CABLES1: variants seen among roughly 807,000 people sequenced by gnomAD.
CABLES1 encodes CDK5 and ABL1 enzyme substrate 1.
In CABLES1, 36 loss-of-function variants were observed where a neutral mutation model predicts 57.8. That is an observed-to-expected ratio of 0.62 (90% CI 0.48 to 0.82). The LOEUF (loss-of-function observed/expected upper bound fraction) is 0.82, where lower values mean the gene tolerates loss of function less well. Ranked by LOEUF, CABLES1 falls within the 40% of genes least tolerant of loss-of-function variation. CABLES1 has a pLI of 0.00. For missense variants in CABLES1, 767 were observed against 836.6 expected (o/e 0.92, Z 1.03); for synonymous variants, 374 against 363.0 (o/e 1.03, Z -0.35).
Position 23,258,475 on chromosome 18 carries a change from G to C in CABLES1, c.*1108G>C, listed in dbSNP as rs1265399525. 2 of 152,146 alleles carry C rather than the reference G, an allele frequency of 1.3e-5. No individual in the cohort carries two copies. Among genetic ancestry groups the C allele is most frequent in the African/African-American group, 4.8e-5 (2 of 41,406 alleles). 9.4% of individuals were successfully genotyped at this position (152,146 alleles called of 1,614,324 possible). On this transcript the variant is annotated 3_prime_UTR_variant, in exon 10 of 10. Coordinates refer to ENST00000256925, the MANE Select transcript of CABLES1 (RefSeq NM_001100619.3). ...TTTCTTAACATTCCCACGTGCCCAGGGCTGTTCATGCAAGATTTTAATGGT... is the reference window on the plus strand; with the variant it reads ...TTTCTTAACATTCCCACGTGCCCAGCGCTGTTCATGCAAGATTTTAATGGT...
At chr18:23,188,681 A>G (rs186130043) in intron 1 of CABLES1, among the ~76,000 whole-genome samples, 157 bp from the exon 2 acceptor site, 43 of 152,302 alleles carry the variant, frequency 2.8e-4, no homozygotes, top group Non-Finnish European at 2.1e-4. Flanking sequence ...CCTGGCGTGC[A>G]GGGTGGGAAC....
chr18:23,225,901 G>A (rs1043864589), intron 4 of CABLES1, among the ~76,000 whole-genome samples: 19 of 152,164 alleles, frequency 1.2e-4, no homozygotes, highest in East Asian at 9.6e-4. Context: ...TCTTCCCCTC[G>A]CTTTCCAGCC....
chr18:23,219,718 A>G (rs1393114533), intron 4 of CABLES1, among the ~76,000 whole-genome samples: 1 of 152,216 alleles, frequency 6.6e-6, no homozygotes, highest in Non-Finnish European at 1.5e-5. Context: ...ATGTTTAACC[A>G]GATACTACAA....
intron 3 of CABLES1, among the ~76,000 whole-genome samples, chr18:23,210,036 G>C (rs563246589): frequency 2.0e-5 from 3 of 152,206 alleles, no homozygotes; most frequent in Non-Finnish European, 4.4e-5. Flanking sequence ...GAAAAAGAAA[G>C]CTGGACGGTG....
intron 6 of CABLES1, 60 bp downstream of exon 6, chr18:23,236,111 ATG>A: frequency 6.4e-7 from 1 of 1,565,310 alleles, no homozygotes; most frequent in Non-Finnish European, 8.7e-7. Flanking sequence ...CTCCATTTAC[ATG>A]GGGATTGAGT....
intron 9 of CABLES1, 82 bp downstream of exon 9, chr18:23,254,018 C>A: frequency 8.4e-7 from 1 of 1,195,332 alleles, no homozygotes; most frequent in African/African-American, 1.5e-5. Flanking sequence ...GGTCAGTGAC[C>A]CTGCCTGGAA....
intron 7 of CABLES1, among the ~76,000 whole-genome samples, chr18:23,241,938 CTG>C (rs1310787275): frequency 6.6e-6 from 1 of 152,142 alleles, no homozygotes; most frequent in Non-Finnish European, 1.5e-5. Flanking sequence ...GTCACTCCCA[CTG>C]TTACCTACTG....
intron 1 of CABLES1, among the ~76,000 whole-genome samples, chr18:23,158,119 T>TA (rs34187186): frequency 1.7e-3 from 215 of 128,126 alleles, no homozygotes; most frequent in South Asian, 3.9e-3. Flanking sequence ...CCATCTCTAT[T>TA]AAAAAAAAAA....
In CABLES1 at chr18:23,251,512, A is replaced by G. The variant is rs952177348; in HGVS notation, c.1447-1448A>G. Among the ~76,000 whole-genome samples the G allele has an allele frequency of 4.6e-5, 7 of 152,258 alleles. No individual in the cohort carries two copies. In the East Asian group the frequency reaches 1.2e-3, roughly 25 times the overall value. On this transcript the variant is annotated intron_variant, in intron 7 of 9. Coordinates refer to ENST00000256925, the MANE Select transcript of CABLES1 (RefSeq NM_001100619.3). The stretch of plus-strand genomic sequence containing the variant: ...CAAAAAAGACCCAGCCTTGGCAAGT[A>G]TACTCTCGAGGAGGGATGAGATGAA...
chr18:23,195,809 C>T (rs2047278365), intron 3 of CABLES1, among the ~76,000 whole-genome samples: 1 of 152,116 alleles, frequency 6.6e-6, no homozygotes, highest in South Asian at 2.1e-4. Flanking sequence ...CTTTATTTAA[C>T]CATTGCTATT....
intron 1 of CABLES1, among the ~76,000 whole-genome samples, chr18:23,161,265 C>T (rs1220703809): frequency 6.6e-6 from 1 of 151,986 alleles, no homozygotes; most frequent in Non-Finnish European, 1.5e-5. Flanking sequence ...TATTAAAAAA[C>T]AACTCTCTTT....
chr18:23,223,336 T>G (rs2047503291), intron 4 of CABLES1, among the ~76,000 whole-genome samples: 1 of 151,956 alleles, frequency 6.6e-6, no homozygotes, highest in South Asian at 2.1e-4. Flanking sequence ...TCCCAGCACT[T>G]TGGGAGGCCG....
chr18:23,146,091 G>C (rs1299118839), intron 1 of CABLES1, among the ~76,000 whole-genome samples: 1 of 152,210 alleles, frequency 6.6e-6, no homozygotes, highest in Non-Finnish European at 1.5e-5. Context: ...TATGTGCCTA[G>C]CACGTTGATT....
chr18:23,175,040 G>T (rs1425113907), intron 1 of CABLES1, among the ~76,000 whole-genome samples: 1 of 151,678 alleles, frequency 6.6e-6, no homozygotes, highest in East Asian at 1.9e-4. Flanking sequence ...GCCTTGACAT[G>T]TTTAAAAATG....
At chr18:23,150,207 G>GTTTTTTGTT (rs1555658964) in intron 1 of CABLES1, among the ~76,000 whole-genome samples, 4 of 106,674 alleles carry the variant, frequency 3.7e-5, no homozygotes, top group African/African-American at 1.6e-4. Flanking sequence ...GTTGGTGTTT[G>GTTTTTTGTT]TTTTTTTTTT....
chr18:23,248,747 C>T (rs550835100), intron 7 of CABLES1, among the ~76,000 whole-genome samples: 2 of 152,234 alleles, frequency 1.3e-5, no homozygotes, highest in East Asian at 3.9e-4. Flanking sequence ...ATCGCTTGAA[C>T]CCAGGAGGCA....
intron 1 of CABLES1, among the ~76,000 whole-genome samples, chr18:23,170,222 C>T (rs2047072632): frequency 6.6e-6 from 1 of 152,182 alleles, no homozygotes; most frequent in Non-Finnish European, 1.5e-5. Flanking sequence ...TGTGAGAATG[C>T]CAAGATGTTT....
intron 7 of CABLES1, among the ~76,000 whole-genome samples, chr18:23,249,001 G>GA (rs2047972693): frequency 6.6e-6 from 1 of 152,364 alleles, no homozygotes; most frequent in East Asian, 1.9e-4. Flanking sequence ...TTGGACTTGG[G>GA]AAACTGGCGC....
intron 7 of CABLES1, among the ~76,000 whole-genome samples, chr18:23,237,797 C>G (rs2047639597): frequency 6.6e-6 from 1 of 152,262 alleles, no homozygotes; most frequent in Admixed American, 6.5e-5. Context: ...CTGCTCTCGG[C>G]TGACCACTGT....
Sources: allele counts gnomAD v4.1 joint callset (sites outside exome capture counted in the v4.1 genomes callset), GRCh38; gene constraint gnomAD v4.1.1; transcripts MANE v1.5; gene names NCBI Gene and HGNC (gene_info 2026-07-23, HGNC 2026-07-21).